ZNF704: variants seen among roughly 807,000 people sequenced by gnomAD.
ZNF704 encodes zinc finger protein 704.
In ZNF704, 10 loss-of-function variants were observed where a neutral mutation model predicts 44.7. The observed-to-expected ratio is 0.22, with a 90% CI of 0.14 to 0.38. The LOEUF is 0.38. ZNF704 is among the 10% of genes least tolerant of loss of function. The probability of loss-of-function intolerance (pLI) is 1.00; values close to 1 mark genes in which losing one functional copy is unlikely to be tolerated. For missense variants in ZNF704, 390 were observed against 545.5 expected (o/e 0.71, Z 2.84); for synonymous variants, 211 against 207.6 (o/e 1.02, Z -0.14).
intron 1 of ZNF704, among the ~76,000 whole-genome samples, chr8:80,829,032 C>T (rs754187732): frequency 2.6e-5 from 4 of 152,170 alleles, no homozygotes; most frequent in African/African-American, 4.8e-5. Context: ...TTGTCACCCA[C>T]TTTGGTTTAC....
chr8:80,843,743 G>C (rs1808718300), intron 1 of ZNF704, among the ~76,000 whole-genome samples: 1 of 152,044 alleles, frequency 6.6e-6, no homozygotes, highest in African/African-American at 2.4e-5. Context: ...CTTCAAAGAA[G>C]ATAAAAATTG....
intron 4 of ZNF704, among the ~76,000 whole-genome samples, chr8:80,676,528 G>T (rs1818368212): frequency 6.6e-6 from 1 of 151,994 alleles, no homozygotes; most frequent in Admixed American, 6.5e-5. Flanking sequence ...ATTTGGTGGA[G>T]AAGGGAAAAA....
chr8:80,629,314 C>A lies in ZNF704; in HGVS notation c.*12052G>T, dbSNP rs1002254053. ...AGAACATCTGGATTTGGCTAAAAATCATATAAAAAGACACAATGCCCCTTC... is the reference window on the plus strand; with the variant it reads ...AGAACATCTGGATTTGGCTAAAAATAATATAAAAAGACACAATGCCCCTTC... On this transcript the variant is annotated 3_prime_UTR_variant, in exon 9 of 9. Transcript: ENST00000327835. The A allele has an allele frequency of 6.6e-6, 1 of 152,150 alleles. No homozygotes were observed. 9.4% of individuals were successfully genotyped at this position (152,150 alleles called of 1,614,324 possible). A position where few individuals can be genotyped will look rare whatever the true frequency, so the allele number is the denominator to read the frequency against.
chr8:80,718,111 A>G (rs985998931), intron 2 of ZNF704, among the ~76,000 whole-genome samples: 1 of 151,874 alleles, frequency 6.6e-6, no homozygotes. Flanking sequence ...CTACTCCATA[A>G]GATTTTTCAT....
At chr8:80,834,203 A>G (rs184287191) in intron 1 of ZNF704, among the ~76,000 whole-genome samples, 1 of 141,624 alleles carries the variant, frequency 7.1e-6, no homozygotes, top group East Asian at 1.9e-4. Context: ...CAAAAAAATA[A>G]TAACAAAAGA....
chr8:80,785,951 T>C (rs538988312), intron 2 of ZNF704, among the ~76,000 whole-genome samples: 67 of 152,300 alleles, frequency 4.4e-4, no homozygotes, highest in African/African-American at 1.6e-3. Flanking sequence ...TACACGTATC[T>C]ATAAATATGT....
chr8:80,752,940 C>T (rs1357083083), intron 2 of ZNF704, among the ~76,000 whole-genome samples: 1 of 152,302 alleles, frequency 6.6e-6, no homozygotes, highest in Middle Eastern at 3.4e-3. Flanking sequence ...AAATGCTGCC[C>T]TGGTGAACAA....
Position 80,831,352 on chromosome 8 carries a change from T to C in ZNF704, c.-21-9737A>G, listed in dbSNP as rs967043632. ...ACTTTTTATACTTCATCTGTCCAAATAGGGTGCTTTTATTTTTTTTCCCAA... is the reference window on the plus strand; with the variant it reads ...ACTTTTTATACTTCATCTGTCCAAACAGGGTGCTTTTATTTTTTTTCCCAA... On this transcript the variant is annotated intron_variant, in intron 1 of 8. Coordinates refer to ENST00000327835, the MANE Select transcript of ZNF704 (RefSeq NM_001033723.3). 7.2e-5 allele frequency among the ~76,000 whole-genome samples: 11 copies of C among 152,274 alleles called. No individual in the cohort carries two copies. The East Asian group carries it at 1.2e-3, about 16-fold the overall frequency.
chr8:80,700,767 C>T (rs1383005837), intron 2 of ZNF704, among the ~76,000 whole-genome samples: 1 of 152,180 alleles, frequency 6.6e-6, no homozygotes, highest in African/African-American at 2.4e-5. Context: ...ACCATTCTCT[C>T]TCTATCTGTG....
intron 2 of ZNF704, among the ~76,000 whole-genome samples, chr8:80,753,483 G>C (rs1806982983): frequency 1.3e-5 from 2 of 151,980 alleles, no homozygotes; most frequent in South Asian, 4.1e-4. Context: ...AGAAAAACTG[G>C]TTTGGTTCCA....
intron 2 of ZNF704, among the ~76,000 whole-genome samples, chr8:80,722,080 T>C (rs563635670): frequency 6.6e-6 from 1 of 151,964 alleles, no homozygotes; most frequent in Admixed American, 6.5e-5. Context: ...CTACAATAAA[T>C]ACAAAAAAAC....
intron 1 of ZNF704, among the ~76,000 whole-genome samples, chr8:80,847,473 GT>G (rs1490357994): frequency 6.6e-6 from 1 of 152,070 alleles, no homozygotes; most frequent in Non-Finnish European, 1.5e-5. Flanking sequence ...AGACATGCTT[GT>G]TCTAAAATGC....
chr8:80,767,055 G>A (rs752018165), intron 2 of ZNF704, among the ~76,000 whole-genome samples: 18 of 152,024 alleles, frequency 1.2e-4, no homozygotes, highest in Non-Finnish European at 2.4e-4. Flanking sequence ...CCATACAGAG[G>A]TTAAGCTACT....
In ZNF704 at chr8:80,649,610, C is replaced by T. The variant is rs182251941; in HGVS notation, c.1033-6481G>A. 6.0e-3 allele frequency among the ~76,000 whole-genome samples: 908 copies of T among 152,240 alleles called. 6 individuals are homozygous for T. The highest frequency in any genetic ancestry group is 9.0e-3 in the Non-Finnish European group (612 of 68,004). On this transcript the variant is annotated intron_variant, in intron 7 of 8. Coordinates refer to ENST00000327835, the MANE Select transcript of ZNF704 (RefSeq NM_001033723.3). ...ATCAAACTGCAAGGTGGCAGTGAGG[C>T]TGGGGAGGGGCACCCGCCATTGCCG... is the stretch of plus-strand genomic sequence containing the variant.
Position 80,660,388 on chromosome 8 carries a change from T to G in ZNF704, c.928-699A>C, listed in dbSNP as rs145996345. On this transcript the variant is annotated intron_variant, in intron 6 of 8. Coordinates refer to ENST00000327835, the MANE Select transcript of ZNF704 (RefSeq NM_001033723.3). ...TTTGGAGATGGAGGCAGGAAGATTA[T>G]GTGAGCCCAGGAGTTCGAGGTTGCA... Among the ~76,000 whole-genome samples, 398 of 151,170 alleles carry G rather than the reference T, an allele frequency of 2.6e-3. 2 individuals carry two copies. The highest frequency in any genetic ancestry group is 4.2e-3 in the Non-Finnish European group (283 of 67,890).
intron 2 of ZNF704, among the ~76,000 whole-genome samples, chr8:80,747,422 A>T (rs1260638402): frequency 3.9e-5 from 6 of 152,186 alleles, no homozygotes; most frequent in Non-Finnish European, 8.8e-5. Context: ...AAGACTTTTG[A>T]TTTGCATTTG....
At chr8:80,650,431 G>A (rs1285642892) in intron 7 of ZNF704, among the ~76,000 whole-genome samples, 2 of 152,282 alleles carry the variant, frequency 1.3e-5, no homozygotes, top group African/African-American at 2.4e-5. Flanking sequence ...AAATTTAGAC[G>A]AATGGCTAAC....
At chr8:80,697,752 C>T (rs2131641509) in intron 2 of ZNF704, among the ~76,000 whole-genome samples, 1 of 152,362 alleles carries the variant, frequency 6.6e-6, no homozygotes, top group South Asian at 2.1e-4. Flanking sequence ...TCAGCTATTA[C>T]TAACCTTCCA....
At chr8:80,703,055 G>A (rs1219132021) in intron 2 of ZNF704, among the ~76,000 whole-genome samples, 1 of 152,048 alleles carries the variant, frequency 6.6e-6, no homozygotes, top group Non-Finnish European at 1.5e-5. Context: ...CTCTTGGGAG[G>A]CTCCCCATTG....
Sources: allele counts gnomAD v4.1 joint callset (sites outside exome capture counted in the v4.1 genomes callset), GRCh38; gene constraint gnomAD v4.1.1; transcripts MANE v1.5; gene names NCBI Gene and HGNC (gene_info 2026-07-23, HGNC 2026-07-21).